OPCML: variants seen among roughly 807,000 people sequenced by gnomAD.
OPCML encodes the protein opioid binding protein/cell adhesion molecule like.
Under a neutral mutation model 37.8 loss-of-function variants are expected in OPCML, and 13 were observed. That is an observed-to-expected ratio of 0.34 (90% CI 0.22 to 0.55). The LOEUF (loss-of-function observed/expected upper bound fraction) is 0.55. OPCML is among the 20% of genes least tolerant of loss of function. The probability of loss-of-function intolerance (pLI) is 0.91; values close to 1 mark genes in which losing one functional copy is unlikely to be tolerated. For synonymous variants in OPCML, 176 were observed against 168.8 expected, an observed-to-expected ratio of 1.04 and a Z score of -0.33; for missense variants, 341 against 435.6, an observed-to-expected ratio of 0.78 and a Z score of 1.93.
At chr11:133,463,170 A>AAAAAAAC (rs1198938158) in intron 1 of OPCML, among the ~76,000 whole-genome samples, 1 of 148,342 alleles carries the variant, frequency 6.7e-6, no homozygotes, top group Non-Finnish European at 1.5e-5. Context: ...ATATACAGTT[A>AAAAAAAC]AAAAAACAAA....
At chr11:133,011,900 A>G (rs1013776278) in intron 1 of OPCML, among the ~76,000 whole-genome samples, 16 of 152,346 alleles carry the variant, frequency 1.1e-4, no homozygotes, top group African/African-American at 3.4e-4. Context: ...TGTTCTTGGC[A>G]TGGTTGCTAG....
At chr11:133,518,910 C>T (rs772411850) in intron 1 of OPCML, among the ~76,000 whole-genome samples, 18 of 152,112 alleles carry the variant, frequency 1.2e-4, no homozygotes, top group Admixed American at 7.9e-4. Context: ...ATTGCTGCAA[C>T]TTGCCCTCTG....
At chr11:132,614,569 G>A (rs1358583710) in intron 3 of OPCML, among the ~76,000 whole-genome samples, 4 of 152,124 alleles carry the variant, frequency 2.6e-5, no homozygotes, top group Non-Finnish European at 5.9e-5. Flanking sequence ...CCACGAATGA[G>A]CTGCTTATGT....
At chr11:133,432,310 A>G (rs1165779952) in intron 1 of OPCML, among the ~76,000 whole-genome samples, 3 of 152,204 alleles carry the variant, frequency 2.0e-5, no homozygotes, top group East Asian at 1.9e-4. Flanking sequence ...TTGCTGTTCT[A>G]GAGTTTTGGT....
intron 1 of OPCML, chr11:133,423,132 T>C: frequency 1.0e-6 from 1 of 985,448 alleles, no homozygotes; most frequent in Non-Finnish European, 1.2e-6. Context: ...CAGGATCTTA[T>C]AACCATTCAT....
chr11:133,330,824 T>C lies in OPCML; in HGVS notation c.61+201440A>G, dbSNP rs1034106095. On this transcript the variant is annotated intron_variant, in intron 1 of 7. Coordinates refer to ENST00000524381, the MANE Select transcript of OPCML (RefSeq NM_001012393.5). Reference sequence around the variant, plus strand: ...ACGTTGTGCACATGTACCCTAAAACTTAAAGTATAATAATAATAAAATTTA... The same window carrying C: ...ACGTTGTGCACATGTACCCTAAAACCTAAAGTATAATAATAATAAAATTTA... 2.7e-4 allele frequency among the ~76,000 whole-genome samples: 41 copies of C among 152,142 alleles called. 1 individual carries two copies. The highest frequency in any genetic ancestry group is 4.2e-4 in the South Asian group (2 of 4,814).
At chr11:132,632,058 T>A (rs983497889) in intron 3 of OPCML, among the ~76,000 whole-genome samples, 7 of 151,786 alleles carry the variant, frequency 4.6e-5, no homozygotes, top group Non-Finnish European at 4.4e-5. Context: ...TGATCAGGGC[T>A]GGGCTGTTAA....
chr11:132,532,748 C>T (rs755244276), intron 3 of OPCML, among the ~76,000 whole-genome samples: 3 of 152,148 alleles, frequency 2.0e-5, no homozygotes, highest in Admixed American at 1.3e-4. Flanking sequence ...TTCAAGTCAG[C>T]GCCCCTTGCA....
chr11:133,354,963 T>C (rs1481452822), intron 1 of OPCML, among the ~76,000 whole-genome samples: 2 of 152,168 alleles, frequency 1.3e-5, no homozygotes, highest in Non-Finnish European at 2.9e-5. Flanking sequence ...CAATCCCAAC[T>C]GAGGTTAGAG....
intron 7 of OPCML, among the ~76,000 whole-genome samples, chr11:132,425,929 G>A (rs987122130): frequency 1.3e-5 from 2 of 152,198 alleles, no homozygotes; most frequent in African/African-American, 4.8e-5. Context: ...AACTAGAATG[G>A]CTGCTACAAA....
intron 3 of OPCML, among the ~76,000 whole-genome samples, chr11:132,632,947 GAAA>G (rs58661397): frequency 4.0e-5 from 5 of 125,836 alleles, no homozygotes; most frequent in African/African-American, 1.2e-4. Flanking sequence ...TCACCATATT[GAAA>G]AAAAAAAAAA....
At chr11:132,686,607 C>T (rs1429517135) in intron 2 of OPCML, among the ~76,000 whole-genome samples, 2 of 152,208 alleles carry the variant, frequency 1.3e-5, no homozygotes, top group East Asian at 1.9e-4. Context: ...TCAATGACCT[C>T]TCATTAGTCC....
intron 1 of OPCML, among the ~76,000 whole-genome samples, chr11:133,236,433 A>G (rs1317605923): frequency 6.6e-6 from 1 of 152,126 alleles, no homozygotes; most frequent in African/African-American, 2.4e-5. Context: ...ATCCCAAGTC[A>G]CAGAAGCCAT....
At chr11:133,410,634 TAAAAAAAAAAA>T (rs71038527) in intron 1 of OPCML, among the ~76,000 whole-genome samples, 306 of 46,904 alleles carry the variant, frequency 6.5e-3, no homozygotes, top group African/African-American at 0.017. Context: ...AGAAAAAAAG[TAAAAAAAAAAA>T]AAAAAAAAAA....
intron 3 of OPCML, among the ~76,000 whole-genome samples, chr11:132,637,594 T>C (rs1455838356): frequency 6.6e-6 from 1 of 152,186 alleles, no homozygotes; most frequent in Non-Finnish European, 1.5e-5. Flanking sequence ...TAGACTGGCA[T>C]CCTAGACTTT....
intron 3 of OPCML, among the ~76,000 whole-genome samples, chr11:132,531,450 G>A (rs1317319573): frequency 6.6e-6 from 1 of 152,196 alleles, no homozygotes; most frequent in Non-Finnish European, 1.5e-5. Flanking sequence ...TGTCAAAGGA[G>A]AATTATGGCA....
At chr11:133,530,370 T>C (rs1036380278) in intron 1 of OPCML, among the ~76,000 whole-genome samples, 1 of 152,244 alleles carries the variant, frequency 6.6e-6, no homozygotes, top group African/African-American at 2.4e-5. Context: ...TGTTATGATT[T>C]CTGCCATAAG....
chr11:132,720,557 C>T (rs138850848), intron 2 of OPCML, among the ~76,000 whole-genome samples: 1 of 152,318 alleles, frequency 6.6e-6, no homozygotes, highest in Non-Finnish European at 1.5e-5. Flanking sequence ...TAAAAGTCTC[C>T]ACTAGTTCAC....
intron 2 of OPCML, among the ~76,000 whole-genome samples, chr11:132,685,157 T>G (rs1943112016): frequency 6.6e-6 from 1 of 152,238 alleles, no homozygotes; most frequent in Non-Finnish European, 1.5e-5. Context: ...TCAAGCTTTT[T>G]CTTGCCCTGT....
Sources: gnomAD v4.1 joint callset for allele counts (sites outside exome capture counted in the v4.1 genomes callset) on GRCh38, gnomAD v4.1.1 for gene constraint, MANE v1.5 for transcripts, NCBI Gene and HGNC (gene_info 2026-07-23, HGNC 2026-07-21) for gene names.